KCNT1: variants seen among roughly 807,000 people sequenced by gnomAD.
The protein encoded by KCNT1 is potassium sodium-activated channel subfamily T member 1.
In KCNT1, 78 loss-of-function variants were observed where a neutral mutation model predicts 147.8. That is an observed-to-expected ratio of 0.53 (90% CI 0.44 to 0.64). The LOEUF (loss-of-function observed/expected upper bound fraction) is 0.64, where lower values mean the gene tolerates loss of function less well. Ranked by LOEUF, KCNT1 falls within the 30% of genes least tolerant of loss-of-function variation. The pLI, the probability that KCNT1 is intolerant of heterozygous loss-of-function variation, is 0.00. For missense variants in KCNT1, 1,419 were observed against 1,750.3 expected, an observed-to-expected ratio of 0.81 and a Z score of 3.38; for synonymous variants, 867 against 748.8, an observed-to-expected ratio of 1.16 and a Z score of -2.58.
At chr9:135,784,190 T>C in intron 25 of KCNT1, 65 bp downstream of exon 25, 1 of 1,247,640 alleles carries the variant, frequency 8.0e-7, no homozygotes, top group Non-Finnish European at 1.2e-6. Flanking sequence ...CCCTCAGCTC[T>C]TCAGCCTGGT....
At chr9:135,761,356 C>T (rs1831900445) in intron 11 of KCNT1, among the ~76,000 whole-genome samples, 1 of 152,220 alleles carries the variant, frequency 6.6e-6, no homozygotes, top group South Asian at 2.1e-4. Flanking sequence ...GCCTGCTCCC[C>T]CACACCCTGC....
chr9:135,765,530 A>G lies in KCNT1; in HGVS notation c.1201-94A>G, dbSNP rs893745625. On this transcript the variant is annotated intron_variant, in intron 12 of 30. Coordinates refer to ENST00000371757, the MANE Select transcript of KCNT1 (RefSeq NM_020822.3). The stretch of plus-strand genomic sequence containing the variant: ...AAGATCACAGTGAGCTCTAGGGCCC[A>G]GAGGTGGTGGGCACAAACACAGTCC... 78 of 1,377,856 alleles carry G rather than the reference A, an allele frequency of 5.7e-5. No homozygotes were observed. The Middle Eastern group carries it at 1.3e-3, about 23-fold the overall frequency. The allele number at this position is 1,377,856 out of a possible 1,614,324, so 85.4% of individuals were successfully genotyped here.
rs1038034921 is a variant in KCNT1, at chr9:135,752,118, C to T, written c.434+1077C>T. ...CAGGCGCTGAGGGGCTCTGCAGCCA[C>T]GTGTGTGGTGTGGTTGTCACCATCC... On this transcript the variant is annotated intron_variant, in intron 4 of 30. Coordinates refer to ENST00000371757, the MANE Select transcript of KCNT1 (RefSeq NM_020822.3). This position sits in a 1 kb window ranked among gnomAD's most constrained non-coding sequence, Gnocchi z 5.1. 4 of 314,146 alleles carry T rather than the reference C, an allele frequency of 1.3e-5. No individual in the cohort carries two copies. Among genetic ancestry groups the T allele is most frequent in the Admixed American group, 4.3e-5 (1 of 23,062 alleles). The allele number at this position is 314,146 out of a possible 1,614,324, so 19.5% of individuals were successfully genotyped here. A position where few individuals can be genotyped will look rare whatever the true frequency, so the allele number is the denominator to read the frequency against.
chr9:135,787,509 C>G (rs1834156218), intron 29 of KCNT1, among the ~76,000 whole-genome samples: 1 of 152,226 alleles, frequency 6.6e-6, no homozygotes, highest in Non-Finnish European at 1.5e-5. Flanking sequence ...GTCTCCCAAC[C>G]CTGCTTCCTG....
intron 2 of KCNT1, among the ~76,000 whole-genome samples, chr9:135,727,802 T>C (rs34235611): frequency 0.14 from 20,908 of 152,156 alleles, 1,620 homozygotes; most frequent in South Asian, 0.18. Flanking sequence ...CGTGGGTCTG[T>C]GCCAGGGCCC....
At chr9:135,721,150 G>A (rs1047145130) in intron 2 of KCNT1, among the ~76,000 whole-genome samples, 8 of 152,280 alleles carry the variant, frequency 5.3e-5, no homozygotes, top group African/African-American at 1.9e-4. Context: ...CCCAGAAGGG[G>A]CTGAAGTGGC....
chr9:135,728,113 G>GGAGT (rs1461039589), intron 2 of KCNT1, among the ~76,000 whole-genome samples: 2 of 152,238 alleles, frequency 1.3e-5, no homozygotes, highest in Non-Finnish European at 2.9e-5. Context: ...GGCAGAGACT[G>GGAGT]GAGTGATGTG....
chr9:135,765,958 T>TGGGGTGGACCATTC (rs1465592560), intron 13 of KCNT1, among the ~76,000 whole-genome samples, 198 bp downstream of exon 13: 1 of 151,572 alleles, frequency 6.6e-6, no homozygotes, highest in Non-Finnish European at 1.5e-5. Flanking sequence ...GTGGATCGTC[T>TGGGGTGGACCATTC]GGGGTGGACC....
At chr9:135,766,898 C>T (rs1026023556) in intron 13 of KCNT1, 10 of 152,174 alleles carry the variant, frequency 6.6e-5, no homozygotes, top group African/African-American at 2.2e-4. Context: ...CAAAATAGAA[C>T]AGGGGCGGGA....
intron 2 of KCNT1, among the ~76,000 whole-genome samples, chr9:135,717,359 AG>A (rs1260468635): frequency 6.6e-6 from 1 of 151,936 alleles, no homozygotes; most frequent in Non-Finnish European, 1.5e-5. Context: ...CTTCCCTCTG[AG>A]AGTGGTTCCC....
intron 2 of KCNT1, among the ~76,000 whole-genome samples, chr9:135,745,993 G>C (rs1000609426): frequency 3.3e-4 from 51 of 152,372 alleles, no homozygotes; most frequent in African/African-American, 1.2e-3. Flanking sequence ...CCCCAGCCAG[G>C]CCTCTGCAGC....
At chr9:135,769,919 G>A in intron 15 of KCNT1, 28 bp from the exon 16 acceptor site, 1 of 1,501,786 alleles carries the variant, frequency 6.7e-7, no homozygotes, top group South Asian at 1.2e-5. Context: ...AGAGCGGCAG[G>A]TGGACCGGCC....
intron 2 of KCNT1, among the ~76,000 whole-genome samples, chr9:135,725,170 C>T (rs753910803): frequency 5.3e-5 from 8 of 150,876 alleles, no homozygotes; most frequent in East Asian, 1.9e-4. Context: ...CGGGGCCTGT[C>T]GAGGGCCACA....
At chr9:135,719,332 C>T (rs949807791) in intron 2 of KCNT1, among the ~76,000 whole-genome samples, 11 of 152,202 alleles carry the variant, frequency 7.2e-5, no homozygotes, top group Admixed American at 5.2e-4. Flanking sequence ...CTGACGGTGT[C>T]CCCGAGCTGG....
At chr9:135,754,203 C>T (rs1481015767) in intron 5 of KCNT1, among the ~76,000 whole-genome samples, 1 of 152,258 alleles carries the variant, frequency 6.6e-6, no homozygotes, top group East Asian at 1.9e-4. Context: ...GAGGCTCACA[C>T]TGCCTGGTCC....
At chr9:135,713,208 C>G (rs1407985039) in intron 1 of KCNT1, among the ~76,000 whole-genome samples, 1 of 152,270 alleles carries the variant, frequency 6.6e-6, no homozygotes, top group African/African-American at 2.4e-5. Context: ...AGCCCCGACC[C>G]CTGGCCACGT....
In KCNT1 at chr9:135,757,143, C is replaced by G. The variant is rs202113794; in HGVS notation, c.601-13C>G. On this transcript the variant is annotated splice_polypyrimidine_tract_variant and intron_variant, in intron 7 of 30. Transcript: ENST00000371757. ...CTCCATCGCCCCCGCTGATACCCCC[C>G]GTTTGGCCCCAGGGCAACATCTGGG... is the stretch of plus-strand genomic sequence containing the variant. 2,400 of 1,607,114 alleles carry G rather than the reference C, an allele frequency of 1.5e-3. 6 individuals are homozygous for G. The highest frequency in any genetic ancestry group is 1.8e-3 in the Non-Finnish European group (2,112 of 1,178,920).
At chr9:135,755,581 TCAGGCTCAGTAGGCAGGGGACC>T (rs1239295676) in intron 6 of KCNT1, among the ~76,000 whole-genome samples, 1 of 123,834 alleles carries the variant, frequency 8.1e-6, no homozygotes, top group African/African-American at 3.2e-5. Flanking sequence ...GGGGACAAAC[TCAGGCTCAGTAGGCAGGGGACC>T]CAGGCTCAGT....
chr9:135,736,640 G>A (rs1483705202), intron 2 of KCNT1: 1 of 196,360 alleles, frequency 5.1e-6, no homozygotes, highest in Non-Finnish European at 1.0e-5. Context: ...AGGATGGCGC[G>A]GGCCAAGCTG....
Sources: gnomAD v4.1 joint callset for allele counts (sites outside exome capture counted in the v4.1 genomes callset) on GRCh38, gnomAD v4.1.1 for gene constraint, Gnocchi (gnomAD v3.1) non-coding constraint, MANE v1.5 for transcripts, NCBI Gene and HGNC (gene_info 2026-07-23, HGNC 2026-07-21) for gene names.